EYS: variants seen among roughly 807,000 people sequenced by gnomAD.
EYS encodes EGF-like photoreceptor maintenance factor.
A neutral mutation model predicts 282.1 loss-of-function variants in EYS; 250 were observed. That is an observed-to-expected ratio of 0.89 (90% confidence interval 0.80 to 0.98). The LOEUF (loss-of-function observed/expected upper bound fraction) is 0.98, where lower values mean the gene tolerates loss of function less well. Among genes scored for constraint, EYS ranks in the 50% least tolerant of loss-of-function variants. EYS has a pLI of 0.00. For missense variants in EYS, 4,016 were observed against 3,709.0 expected (o/e 1.08, Z -2.15); for synonymous variants, 1,355 against 1,282.9 (o/e 1.06, Z -1.20).
At chr6:65,376,682 T>G (rs760912805) in intron 8 of EYS, among the ~76,000 whole-genome samples, 62 of 152,056 alleles carry the variant, frequency 4.1e-4, no homozygotes, top group Admixed American at 1.1e-3. Context: ...GGAGGACTAT[T>G]TACCAACAAA....
At position 64,945,887 on chromosome 6, in the gene EYS, A is replaced by G. The variant is rs886061684; in HGVS notation, c.2287T>C (p.Trp763Arg). The G allele has an allele frequency of 5.8e-6, 9 of 1,548,182 alleles. No individual in the cohort carries two copies. The East Asian group carries it at 2.2e-4, about 38-fold the overall frequency. ...TCTTGTTCACAAAAATTTCCTTCCC[A>G]ATCAGATAGGCACACACACTGGTAG... Reference protein sequence around the residue: ...LSYQCVCLSDWEGNFCEQESN... With the variant: ...LSYQCVCLSDREGNFCEQESN... Residue 763 changes from tryptophan to arginine, a missense_variant, in exon 15 of 43, where the codon TGG (tryptophan) becomes CGG (arginine). Physicochemically the swap from Trp to Arg is moderately radical, Grantham distance 101. Coordinates refer to ENST00000503581, the MANE Select transcript of EYS (RefSeq NM_001142800.2).
chr6:64,990,702 C>A (rs1025487501), intron 14 of EYS, among the ~76,000 whole-genome samples: 4 of 151,570 alleles, frequency 2.6e-5, no homozygotes, highest in Non-Finnish European at 5.9e-5. Context: ...AATACTGCTT[C>A]ATGGATTTCT....
chr6:64,033,827 A>ACT (rs71708335), intron 33 of EYS, among the ~76,000 whole-genome samples: 2,364 of 148,626 alleles, frequency 0.016, 176 homozygotes, highest in Admixed American at 0.13. Context: ...AAATGAGATT[A>ACT]CTCTCTCTCT....
Position 64,322,976 on chromosome 6 carries a change from C to T in EYS, c.6079-15894G>A, listed in dbSNP as rs950169271. On this transcript the variant is annotated intron_variant, in intron 29 of 42. Coordinates refer to ENST00000503581, the MANE Select transcript of EYS (RefSeq NM_001142800.2). ...CACCTACCCCATCCTCAGACATTCA[C>T]ACACATAATTTCAATGCAGCTATCT... 3.9e-5 allele frequency among the ~76,000 whole-genome samples: 6 copies of T among 152,230 alleles called. 1 individual carries two copies. The highest frequency in any genetic ancestry group is 2.6e-4 in the Admixed American group (4 of 15,272).
At chr6:65,574,941 A>T (rs1764606408) in intron 2 of EYS, among the ~76,000 whole-genome samples, 2 of 152,184 alleles carry the variant, frequency 1.3e-5, no homozygotes, top group African/African-American at 4.8e-5. Flanking sequence ...GTGTTATGAA[A>T]CTAAAAATAA....
chr6:63,801,845 C>T (rs1008964104), intron 37 of EYS, among the ~76,000 whole-genome samples: 1 of 152,164 alleles, frequency 6.6e-6, no homozygotes, highest in Non-Finnish European at 1.5e-5. Context: ...AGACTATCAT[C>T]AGTGTTGTCC....
chr6:64,247,123 G>A (rs149482811), intron 30 of EYS, among the ~76,000 whole-genome samples: 150 of 151,934 alleles, frequency 9.9e-4, no homozygotes, highest in African/African-American at 3.5e-3. Context: ...TAATACTCTG[G>A]AATACTTCCA....
Position 65,335,088 on chromosome 6 carries a change from A to G in EYS, c.1658T>C (p.Leu553Pro). Residue 553 changes from leucine to proline, a missense_variant, in exon 11 of 43, where the codon CTA becomes CCA. Physicochemically the swap from Leu to Pro is moderately conservative, Grantham distance 98 (BLOSUM62 -3). Transcript: ENST00000503581. Reference sequence around the variant, plus strand: ...GTTGCCAGCCCATCTGAGAAAACATAGATACCGATATTCCTGACTGTCTTC... The same window carrying G: ...GTTGCCAGCCCATCTGAGAAAACATGGATACCGATATTCCTGACTGTCTTC... ...SEEDSQEYRYLCFLRWAGNMY... is the reference protein window; with the variant it reads ...SEEDSQEYRYPCFLRWAGNMY... 1.2e-6 allele frequency: 2 copies of G among 1,612,188 alleles called. No individual in the cohort carries two copies. Among genetic ancestry groups the G allele is most frequent in the South Asian group, 1.1e-5 (1 of 91,054 alleles).
chr6:64,228,548 AAG>A (rs2150336918), intron 31 of EYS, among the ~76,000 whole-genome samples: 1 of 152,310 alleles, frequency 6.6e-6, no homozygotes, highest in Admixed American at 6.5e-5. Flanking sequence ...ACTTTTAAAA[AAG>A]AAATACTCTA....
At chr6:64,280,536 C>T (rs1302989410) in intron 30 of EYS, among the ~76,000 whole-genome samples, 3 of 152,106 alleles carry the variant, frequency 2.0e-5, no homozygotes, top group Non-Finnish European at 4.4e-5. Flanking sequence ...TAAAGAAAAA[C>T]TCCACCATAA....
At chr6:65,473,261 AT>A (rs1255301680) in intron 5 of EYS, among the ~76,000 whole-genome samples, 1 of 152,018 alleles carries the variant, frequency 6.6e-6, no homozygotes, top group Non-Finnish European at 1.5e-5. Context: ...TGTGTAAGAG[AT>A]AAAAACAATA....
At chr6:65,278,592 C>T (rs570556701) in intron 12 of EYS, among the ~76,000 whole-genome samples, 1 of 151,854 alleles carries the variant, frequency 6.6e-6, no homozygotes, top group Non-Finnish European at 1.5e-5. Context: ...AATGTATTCA[C>T]CCCAGTTACT....
chr6:65,266,033 T>C (rs979039098), intron 12 of EYS, among the ~76,000 whole-genome samples: 1 of 151,578 alleles, frequency 6.6e-6, no homozygotes, highest in Admixed American at 6.6e-5. Context: ...AAAAAATATG[T>C]TTGCCTTGTA....
At chr6:65,172,924 G>A (rs1282663897) in intron 12 of EYS, among the ~76,000 whole-genome samples, 1 of 150,694 alleles carries the variant, frequency 6.6e-6, no homozygotes, top group Non-Finnish European at 1.5e-5. Context: ...GTGGTCAAGG[G>A]ATCAAATTTG....
chr6:63,856,566 C>G (rs1310473105), intron 36 of EYS, among the ~76,000 whole-genome samples: 1 of 152,104 alleles, frequency 6.6e-6, no homozygotes, highest in East Asian at 1.9e-4. Flanking sequence ...GTGTAGCTCC[C>G]TAGGAATTGA....
intron 10 of EYS, 121 bp downstream of exon 10, chr6:65,343,917 A>G: frequency 1.2e-6 from 1 of 848,492 alleles, no homozygotes; most frequent in Non-Finnish European, 1.9e-6. Flanking sequence ...TATTTAAACT[A>G]TGCAAACTAT....
chr6:64,159,559 TAAA>T (rs35139594), intron 31 of EYS, among the ~76,000 whole-genome samples: 1,235 of 59,932 alleles, frequency 0.021, 26 homozygotes, highest in African/African-American at 0.072. Flanking sequence ...GACTCTGTCT[TAAA>T]AAAAAAAAAA....
intron 12 of EYS, among the ~76,000 whole-genome samples, chr6:65,160,744 C>G (rs1764833045): frequency 6.6e-6 from 1 of 150,804 alleles, no homozygotes; most frequent in Non-Finnish European, 1.5e-5. Flanking sequence ...AAATTCTAGC[C>G]AAGAATTCTC....
At chr6:65,247,002 C>A (rs1030353812) in intron 12 of EYS, among the ~76,000 whole-genome samples, 1 of 152,022 alleles carries the variant, frequency 6.6e-6, no homozygotes, top group Non-Finnish European at 1.5e-5. Context: ...TGCCAGGTCT[C>A]ATGGAAGAAC....
Sources: gnomAD v4.1 joint callset for allele counts (sites outside exome capture counted in the v4.1 genomes callset) on GRCh38, gnomAD v4.1.1 for gene constraint, MANE v1.5 for transcripts, NCBI Gene and HGNC (gene_info 2026-07-23, HGNC 2026-07-21) for gene names.